Variants in PTPRS observed in about 807,000 individuals in gnomAD.
PTPRS encodes protein tyrosine phosphatase receptor type S.
A neutral mutation model predicts 215.3 loss-of-function variants in PTPRS; 63 were observed. The ratio of observed to expected loss-of-function variants is 0.29; its 90% CI spans 0.24 to 0.36. The LOEUF (loss-of-function observed/expected upper bound fraction) is 0.36. Among genes scored for constraint, PTPRS ranks in the 10% least tolerant of loss-of-function variants. PTPRS has a pLI of 1.00. For synonymous variants in PTPRS, 1,404 were observed against 1,191.4 expected, an observed-to-expected ratio of 1.18 and a Z score of -3.68; for missense variants, 2,258 against 2,825.8, an observed-to-expected ratio of 0.80 and a Z score of 4.56.
At chr19:5,313,559 CAG>C (rs2049777589) in intron 1 of PTPRS, among the ~76,000 whole-genome samples, 1 of 152,168 alleles carries the variant, frequency 6.6e-6, no homozygotes, top group Non-Finnish European at 1.5e-5. Flanking sequence ...GGCACTGAGC[CAG>C]AGTCAACGGG....
chr19:5,278,199 A>AAAG, intron 2 of PTPRS: 1 of 329,452 alleles, frequency 3.0e-6, no homozygotes, highest in Non-Finnish European at 5.8e-6. Flanking sequence ...AAAAAAAAAA[A>AAAG]GGGAGTGGGG....
chr19:5,301,594 G>A (rs1257626087), intron 1 of PTPRS, among the ~76,000 whole-genome samples: 3 of 151,886 alleles, frequency 2.0e-5, no homozygotes, highest in Non-Finnish European at 4.4e-5. Context: ...AGGATTACAT[G>A]CATGAGCCTC....
At chr19:5,327,286 G>GT (rs1246611574) in intron 1 of PTPRS, among the ~76,000 whole-genome samples, 1 of 152,188 alleles carries the variant, frequency 6.6e-6, no homozygotes. Context: ...TCATCAAGCT[G>GT]TATTTTATGA....
Position 5,215,410 on chromosome 19 carries a change from G to A in PTPRS, c.4197C>T (p.Ser1399=), listed in dbSNP as rs116565182. 8.7e-5 allele frequency: 140 copies of A among 1,613,900 alleles called. No homozygotes were observed. Among genetic ancestry groups the A allele is most frequent in the Middle Eastern group, 6.6e-4 (4 of 6,058 alleles). The change falls in exon 28 of 38, where the codon TCC becomes TCT. Residue 1399 remains serine (S), a splice_region_variant and synonymous_variant. Coordinates refer to ENST00000262963, the MANE Select transcript of PTPRS (RefSeq NM_002850.4). ...ATGTGAACTGCTGTCCAGGGTCGAT[G>A]GACTACAGAGGAAGGGGAGAGCGCG... ...DSLKLSQEYE[S]IDPGQQFTWE...
In PTPRS at chr19:5,237,562, G is replaced by A. The variant is rs956739833; in HGVS notation, c.1849+1357C>T. ...GGGCAGCGTGGCATGGTGGTGGCAC[G>A]TGGTTTGGGAGAGTTTCTGGGGCCG... On this transcript the variant is annotated intron_variant, in intron 13 of 37. Coordinates refer to ENST00000262963, the MANE Select transcript of PTPRS (RefSeq NM_002850.4). This position sits in a 1 kb window ranked among gnomAD's most constrained non-coding sequence, Gnocchi z 4.2. 3.9e-5 allele frequency among the ~76,000 whole-genome samples: 6 copies of A among 152,364 alleles called. No individual in the cohort carries two copies. The highest frequency in any genetic ancestry group is 1.9e-4 in the East Asian group (1 of 5,178).
intron 12 of PTPRS, 103 bp downstream of exon 12, chr19:5,240,096 C>T: frequency 1.5e-6 from 2 of 1,307,906 alleles, no homozygotes; most frequent in Non-Finnish European, 2.0e-6. Context: ...GCAGAATCCG[C>T]AGCACACATA....
chr19:5,222,733 G>A lies in PTPRS; in HGVS notation c.3059C>T (p.Pro1020Leu). 2 of 1,596,768 alleles carry A rather than the reference G, an allele frequency of 1.3e-6. No homozygotes were observed. The highest frequency in any genetic ancestry group is 1.3e-5 in the African/African-American group (1 of 74,770). Residue 1020 changes from proline (P) to leucine (L), a missense_variant, in exon 18 of 38, where the codon CCC becomes CTC. By Grantham distance (98) the Pro-to-Leu change is moderately conservative. This residue lies in a region of PTPRS where 361 missense variants were observed against 332.6 expected (regional missense o/e 1.09). Transcript: ENST00000262963. ...VRAHTRRGPG[P>L]FSPPVRYRTF... ...CCGGTAGCGGACGGGGGGGCTGAAG[G>A]GGCCAGGGCCCCGGCGCGTGTGGGC...
chr19:5,274,465 A>G, intron 2 of PTPRS, 121 bp from the exon 3 acceptor site: 1 of 1,198,450 alleles, frequency 8.3e-7, no homozygotes, highest in South Asian at 1.6e-5. Flanking sequence ...GTGGCCAATG[A>G]AGAGAGGAGG....
rs1013519449 is a variant in PTPRS, at chr19:5,208,407, C to T, written c.5488-16G>A. On this transcript the variant is annotated splice_polypyrimidine_tract_variant and intron_variant, in intron 35 of 37. Transcript: ENST00000262963. ...ACTGGCCATCCTAGAGTGCAGAGAG[C>T]CCAATCTTGTTATCAGGTCAGCAGC... The T allele has an allele frequency of 2.6e-5, 41 of 1,557,160 alleles. No homozygotes were observed. The highest frequency in any genetic ancestry group is 3.6e-5 in the Non-Finnish European group (41 of 1,148,584).
intron 2 of PTPRS, among the ~76,000 whole-genome samples, chr19:5,281,053 A>C (rs1244338734): frequency 1.3e-5 from 2 of 151,690 alleles, no homozygotes; most frequent in Non-Finnish European, 2.9e-5. Flanking sequence ...CAGCCTCCCA[A>C]AGTGCTGGGA....
chr19:5,212,538 C>T (rs1357247494), intron 30 of PTPRS, 47 bp from the exon 31 acceptor site: 1 of 1,539,232 alleles, frequency 6.5e-7, no homozygotes, highest in South Asian at 1.2e-5. Flanking sequence ...CAACCTGCCA[C>T]CCATGTGCTG....
At chr19:5,239,288 AAG>A (rs1186462087) in intron 12 of PTPRS, among the ~76,000 whole-genome samples, 1 of 151,602 alleles carries the variant, frequency 6.6e-6, no homozygotes, top group African/African-American at 2.4e-5. Flanking sequence ...CAGACAGAAA[AAG>A]AGGGTACGGA....
intron 1 of PTPRS, among the ~76,000 whole-genome samples, chr19:5,330,248 C>T (rs1218958617): frequency 3.9e-5 from 6 of 152,112 alleles, no homozygotes; most frequent in Admixed American, 2.0e-4. Flanking sequence ...CCAGAAACAA[C>T]GCCTCTGTAA....
rs2049109393 is a variant in PTPRS at position 5,295,516 on chromosome 19, C to T, written c.-94-9282G>A. On this transcript the variant is annotated intron_variant, in intron 1 of 37. Coordinates refer to ENST00000262963, the MANE Select transcript of PTPRS (RefSeq NM_002850.4). The surrounding 1 kb of genome is among the most constrained non-coding windows in gnomAD (Gnocchi z 4.6). ...CATCAGCACAGAGCCCTACATGCGC[C>T]TAGTCCCCGGGTCTGCCTCTCCCAC... 6.6e-6 allele frequency among the ~76,000 whole-genome samples: 1 copy of T among 152,170 alleles called. No individual in the cohort carries two copies. Among genetic ancestry groups the T allele is most frequent in the South Asian group, 2.1e-4 (1 of 4,818 alleles).
chr19:5,280,880 C>T (rs2047792442), intron 2 of PTPRS, among the ~76,000 whole-genome samples: 2 of 151,878 alleles, frequency 1.3e-5, no homozygotes, highest in African/African-American at 4.8e-5. Flanking sequence ...CAACCTCCGC[C>T]TCCCAGGTTC....
At chr19:5,273,371 T>A (rs1191983808) in intron 4 of PTPRS, 71 bp downstream of exon 4, 1 of 1,606,212 alleles carries the variant, frequency 6.2e-7, no homozygotes, top group Admixed American at 1.7e-5. Context: ...AACTTTCATG[T>A]ATTCCTTTTG....
At chr19:5,260,573 G>A (rs1321041385) in intron 7 of PTPRS, among the ~76,000 whole-genome samples, 2 of 152,176 alleles carry the variant, frequency 1.3e-5, no homozygotes, top group African/African-American at 2.4e-5. Flanking sequence ...GGGAGAGAGC[G>A]CCCCCGCCTT....
At chr19:5,235,297 T>C (rs1293146230) in intron 13 of PTPRS, among the ~76,000 whole-genome samples, 4 of 151,906 alleles carry the variant, frequency 2.6e-5, no homozygotes, top group South Asian at 2.1e-4. Flanking sequence ...AAGGGCTTTA[T>C]TGGATAACTG....
chr19:5,250,830 G>A (rs2044959763), intron 9 of PTPRS, among the ~76,000 whole-genome samples: 1 of 151,108 alleles, frequency 6.6e-6, no homozygotes, highest in Admixed American at 6.6e-5. Context: ...GAGGGTAAAG[G>A]GGAGGAAGGA....
Sources: gnomAD v4.1 joint callset for allele counts (sites outside exome capture counted in the v4.1 genomes callset) on GRCh38, gnomAD v4.1.1 for gene constraint, gnomAD v4.1.1 regional missense constraint, Gnocchi (gnomAD v3.1) non-coding constraint, MANE v1.5 for transcripts, NCBI Gene and HGNC (gene_info 2026-07-23, HGNC 2026-07-21) for gene names.